Variants in SRRT observed in about 807,000 individuals in gnomAD.
SRRT encodes the protein serrate, RNA effector molecule, also known as serrate RNA effector molecule homolog.
SRRT carries 32 observed loss-of-function variants against 103.2 expected under a neutral mutation model. The ratio of observed to expected loss-of-function variants is 0.31; its 90% CI spans 0.23 to 0.42. The LOEUF is 0.42. Ranked by LOEUF, SRRT falls within the 10% of genes least tolerant of loss-of-function variation. SRRT has a pLI of 1.00. For synonymous variants in SRRT, 525 were observed against 449.0 expected (o/e 1.17, Z -2.14); for missense variants, 986 against 1,207.5 (o/e 0.82, Z 2.72).
chr7:100,881,231 G>T, intron 2 of SRRT, 54 bp from the exon 3 acceptor site: 1 of 1,576,156 alleles, frequency 6.3e-7, no homozygotes, highest in Non-Finnish European at 8.7e-7. Flanking sequence ...TTGGATTACA[G>T]GCATGAGCCA....
chr7:100,884,606 G>T, intron 7 of SRRT, 54 bp downstream of exon 7: 1 of 1,194,042 alleles, frequency 8.4e-7, no homozygotes, highest in Non-Finnish European at 1.2e-6. Flanking sequence ...GGAGGGGGGC[G>T]GGTAGGGGTC....
Position 100,888,607 on chromosome 7 carries a change from A to G in SRRT, c.*58A>G. 1.9e-6 allele frequency: 3 copies of G among 1,607,284 alleles called. No homozygotes were observed. The highest frequency in any genetic ancestry group is 2.6e-6 in the Non-Finnish European group (3 of 1,174,028). ...ATACTTGTACTACCTTGTCCTATGA[A>G]GCTCTGAGAATTTTTTGTACGATCA... On this transcript the variant is annotated 3_prime_UTR_variant, in exon 20 of 20. Coordinates refer to ENST00000611405, the MANE Select transcript of SRRT (RefSeq NM_015908.6).
chr7:100,886,160 G>C lies in SRRT; in HGVS notation c.1459-87G>C, dbSNP rs1453420988. The stretch of plus-strand genomic sequence containing the variant: ...GAGCTCGCAGTCTGATCAATCGCTG[G>C]TGCTCAAGAGGGAAGGGTCTTAGAG... On this transcript the variant is annotated intron_variant, in intron 12 of 19. Transcript: ENST00000611405. 4.1e-6 allele frequency: 6 copies of C among 1,460,822 alleles called. No individual in the cohort carries two copies. In the Admixed American group the frequency reaches 1.2e-4, roughly 29 times the overall value. The allele number at this position is 1,460,822 out of a possible 1,614,324, so 90.5% of individuals were successfully genotyped here.
intron 13 of SRRT, 80 bp downstream of exon 13, chr7:100,886,515 T>A (rs1790117113): frequency 7.0e-7 from 1 of 1,424,154 alleles, no homozygotes; most frequent in Non-Finnish European, 9.5e-7. Context: ...TACCTATCTG[T>A]AGCCTTGAAC....
In SRRT at chr7:100,886,984, C is replaced by G. The variant is rs377399677; in HGVS notation, c.1821+16C>G. 1.9e-6 allele frequency: 3 copies of G among 1,609,200 alleles called. No individual in the cohort carries two copies. The African/African-American group carries it at 4.0e-5, about 22-fold the overall frequency. ...GTTGATTAAGGTGCCAGTGGCAGCG[C>G]GGGGCACGTGGGGGCTCGGGCGGTG... is the stretch of plus-strand genomic sequence containing the variant. On this transcript the variant is annotated intron_variant, in intron 14 of 19. Transcript: ENST00000611405.
At position 100,888,391 on chromosome 7, in the gene SRRT, G is replaced by C; in HGVS notation, c.2555+8G>C. 6.2e-7 allele frequency: 1 copy of C among 1,613,678 alleles called. No homozygotes were observed. Among genetic ancestry groups the C allele is most frequent in the Non-Finnish European group, 8.5e-7 (1 of 1,179,726 alleles). On this transcript the variant is annotated splice_region_variant and intron_variant, in intron 19 of 19. Coordinates refer to ENST00000611405, the MANE Select transcript of SRRT (RefSeq NM_015908.6). ...TGGGAAACCTCGCAACAGGTGAGGA[G>C]GGCAGACGCCCAAGCTTTGTTGCCG... is the stretch of plus-strand genomic sequence containing the variant.
Position 100,888,049 on chromosome 7 carries a change from C to A in SRRT, c.2334C>A (p.Pro778=). 5.1e-6 allele frequency: 8 copies of A among 1,557,162 alleles called. No individual in the cohort carries two copies. The highest frequency in any genetic ancestry group is 6.9e-6 in the Non-Finnish European group (8 of 1,155,922). ...AQPPGPAQIL[P]PGLTPGLPYP... ...ATGTCCCTGTCCGTGTTGTACTCCC[C>A]CCAGGTTTGACCCCAGGACTCCCCT... Residue 778 remains proline, a synonymous_variant, in exon 18 of 20, where the codon CCC becomes CCA. Coordinates refer to ENST00000611405, the MANE Select transcript of SRRT (RefSeq NM_015908.6).
chr7:100,888,213 A>G (rs1790364513), intron 18 of SRRT, 44 bp from the exon 19 acceptor site: 1 of 1,601,270 alleles, frequency 6.2e-7, no homozygotes, highest in South Asian at 1.1e-5. Context: ...AGAGGATGGA[A>G]TTGAGGACAT....
chr7:100,886,680 GC>G (rs1451913166), intron 13 of SRRT, 114 bp from the exon 14 acceptor site: 7 of 1,228,786 alleles, frequency 5.7e-6, no homozygotes, highest in Non-Finnish European at 8.2e-6. Context: ...GGCAAAAGGT[GC>G]CATTTATGTC....
At chr7:100,875,476 C>T (rs749454788) in intron 1 of SRRT, 97 bp from the exon 2 acceptor site, 9 of 1,567,066 alleles carry the variant, frequency 5.7e-6, no homozygotes, top group African/African-American at 2.7e-5. Flanking sequence ...GAGGGCTGGC[C>T]TTGGCGGGAG....
At chr7:100,877,999 A>G (rs1002902419) in intron 2 of SRRT, among the ~76,000 whole-genome samples, 11 of 152,304 alleles carry the variant, frequency 7.2e-5, no homozygotes, top group African/African-American at 2.6e-4. Context: ...CCAGTGATGA[A>G]GTAGAACTTT....
At chr7:100,879,920 G>C (rs1349582189) in intron 2 of SRRT, among the ~76,000 whole-genome samples, 1 of 152,190 alleles carries the variant, frequency 6.6e-6, no homozygotes, top group Non-Finnish European at 1.5e-5. Context: ...AGGCTGGAGT[G>C]ACAGCCAGGA....
chr7:100,887,248 C>T lies in SRRT; in HGVS notation c.1975+48C>T. The T allele has an allele frequency of 6.2e-7, 1 of 1,611,912 alleles. No homozygotes were observed. Among genetic ancestry groups the T allele is most frequent in the Non-Finnish European group, 8.5e-7 (1 of 1,178,378 alleles). On this transcript the variant is annotated intron_variant, in intron 15 of 19. Coordinates refer to ENST00000611405, the MANE Select transcript of SRRT (RefSeq NM_015908.6). The surrounding 1 kb of genome is among the most constrained non-coding windows in gnomAD (Gnocchi z 4.1). ...TTCCCGGCTGCCCCTGGCCTTGGTC[C>T]TCCAGCCCCTTGCCACCATCCTTCC...
chr7:100,879,047 C>T (rs760829234), intron 2 of SRRT, among the ~76,000 whole-genome samples: 25 of 151,930 alleles, frequency 1.6e-4, no homozygotes, highest in Non-Finnish European at 3.1e-4. Flanking sequence ...CTCCATCTTC[C>T]GGGTTCAAAA....
At chr7:100,886,155 C>T (rs1365528912) in intron 12 of SRRT, 92 bp from the exon 13 acceptor site, 37 of 1,436,544 alleles carry the variant, frequency 2.6e-5, no homozygotes, top group Non-Finnish European at 3.1e-5. Flanking sequence ...TCTGATCAAT[C>T]GCTGGTGCTC....
At position 100,875,319 on chromosome 7, in the gene SRRT, C is replaced by A; in HGVS notation, c.-28C>A. The A allele has an allele frequency of 8.6e-7, 1 of 1,160,108 alleles. No individual in the cohort carries two copies. Among genetic ancestry groups the A allele is most frequent in the Non-Finnish European group, 1.1e-6 (1 of 913,118 alleles). The allele number at this position is 1,160,108 out of a possible 1,614,324, so 71.9% of individuals were successfully genotyped here. A position where few individuals can be genotyped will look rare whatever the true frequency, so the allele number is the denominator to read the frequency against. ...CCGAGCGCGAGTCCAACGGCCGCGG[C>A]CGCACCAAGGTGGGGGAGGGGAGGA... is the stretch of plus-strand genomic sequence containing the variant. On this transcript the variant is annotated 5_prime_UTR_variant, in exon 1 of 20. Transcript: ENST00000611405.
Position 100,887,224 on chromosome 7 carries a change from T to TC in SRRT, c.1975+27dup. 1.2e-6 allele frequency: 2 copies of TC among 1,613,886 alleles called. No homozygotes were observed. Among genetic ancestry groups the TC allele is most frequent in the Non-Finnish European group, 1.7e-6 (2 of 1,179,822 alleles). On this transcript the variant is annotated intron_variant, in intron 15 of 19. Transcript: ENST00000611405. The surrounding 1 kb of genome is among the most constrained non-coding windows in gnomAD (Gnocchi z 4.1). ...AGGTGAGCTCCAGGTTCCCCTTTGT[T>TC]CCCGGCTGCCCCTGGCCTTGGTCCT...
In SRRT at chr7:100,882,271, C is replaced by T. The variant is rs573339928; in HGVS notation, c.587+30C>T. 2 of 1,606,046 alleles carry T rather than the reference C, an allele frequency of 1.2e-6. No individual in the cohort carries two copies. The highest frequency in any genetic ancestry group is 4.5e-5 in the East Asian group (2 of 44,850). The stretch of plus-strand genomic sequence containing the variant: ...GTGCCCCTACTTCCCTGGACCTCTG[C>T]CCTGGCATGTCCCCCTGGCCCCGCT... On this transcript the variant is annotated intron_variant, in intron 5 of 19. Coordinates refer to ENST00000611405, the MANE Select transcript of SRRT (RefSeq NM_015908.6). This position sits in a 1 kb window ranked among gnomAD's most constrained non-coding sequence, Gnocchi z 4.2.
At chr7:100,875,376 A>G (rs1225336998) in intron 1 of SRRT, 48 bp downstream of exon 1, 46 of 1,314,484 alleles carry the variant, frequency 3.5e-5, no homozygotes, top group Non-Finnish European at 4.4e-5. Context: ...CGGGAGAGGA[A>G]CCGGGGTCCA....
Sources: allele counts gnomAD v4.1 joint callset (sites outside exome capture counted in the v4.1 genomes callset), GRCh38; gene constraint gnomAD v4.1.1; non-coding constraint Gnocchi (gnomAD v3.1); transcripts MANE v1.5; gene names NCBI Gene and HGNC (gene_info 2026-07-23, HGNC 2026-07-21).